The following CSMD1 variants were observed in gnomAD, a reference collection of about 807,000 sequenced individuals.
CSMD1 encodes the protein CUB and Sushi multiple domains 1.
A neutral mutation model predicts 417.5 loss-of-function variants in CSMD1; 213 were observed. That is an observed-to-expected ratio of 0.51 (90% CI 0.46 to 0.57). The LOEUF (loss-of-function observed/expected upper bound fraction) is 0.57, where lower values mean the gene tolerates loss of function less well. Ranked by LOEUF, CSMD1 falls within the 20% of genes least tolerant of loss-of-function variation. The probability of loss-of-function intolerance (pLI) is 0.00; values close to 1 mark genes in which losing one functional copy is unlikely to be tolerated. For missense variants in CSMD1, 6,923 were observed against 4,529.7 expected (o/e 1.53, Z -15.17); for synonymous variants, 2,862 against 1,736.8 (o/e 1.65, Z -16.11).
At chr8:3,782,004 AT>A (rs1444446484) in intron 5 of CSMD1, among the ~76,000 whole-genome samples, 3 of 150,468 alleles carry the variant, frequency 2.0e-5, no homozygotes, top group South Asian at 2.2e-4. Context: ...AGACATTTTG[AT>A]TTTTTAAGGG....
intron 5 of CSMD1, among the ~76,000 whole-genome samples, chr8:3,836,851 T>C (rs570430809): frequency 6.6e-6 from 1 of 152,322 alleles, no homozygotes; most frequent in Admixed American, 6.5e-5. Flanking sequence ...AATATTTAAA[T>C]GTTAAGTATT....
intron 5 of CSMD1, among the ~76,000 whole-genome samples, chr8:3,981,039 A>T (rs1397791301): frequency 2.0e-5 from 3 of 152,196 alleles, no homozygotes; most frequent in African/African-American, 7.2e-5. Context: ...AGTAACCATG[A>T]ATTTTCCCAC....
intron 1 of CSMD1, among the ~76,000 whole-genome samples, chr8:4,707,768 T>C (rs1032325285): frequency 6.6e-6 from 1 of 151,400 alleles, no homozygotes; most frequent in Admixed American, 6.6e-5. Flanking sequence ...GCGCCTGTAA[T>C]CCCAGCTACT....
At chr8:4,405,736 G>A (rs1039807285) in intron 3 of CSMD1, among the ~76,000 whole-genome samples, 2 of 152,162 alleles carry the variant, frequency 1.3e-5, no homozygotes, top group Admixed American at 6.5e-5. Flanking sequence ...TTTGAAGTTA[G>A]TGCACCACCA....
intron 5 of CSMD1, among the ~76,000 whole-genome samples, chr8:3,785,854 G>C (rs1229334172): frequency 6.6e-6 from 1 of 152,170 alleles, no homozygotes. Context: ...TTGGGAAGTA[G>C]AGCAATTAAA....
At chr8:3,640,939 A>C (rs1797275677) in intron 7 of CSMD1, among the ~76,000 whole-genome samples, 1 of 152,002 alleles carries the variant, frequency 6.6e-6, no homozygotes, top group African/African-American at 2.4e-5. Flanking sequence ...TGTGAGGGAA[A>C]GCAAAAGGCG....
At chr8:4,434,460 A>T (rs556875327) in intron 2 of CSMD1, among the ~76,000 whole-genome samples, 5 of 152,178 alleles carry the variant, frequency 3.3e-5, no homozygotes, top group Non-Finnish European at 5.9e-5. Context: ...CCATCCTATG[A>T]AGTCCCCACA....
chr8:4,756,931 G>T (rs912387217), intron 1 of CSMD1, among the ~76,000 whole-genome samples: 1 of 152,226 alleles, frequency 6.6e-6, no homozygotes, highest in African/African-American at 2.4e-5. Context: ...TGTGAAAGCT[G>T]AATGTTTTTA....
At chr8:3,953,231 T>C (rs941881820) in intron 5 of CSMD1, among the ~76,000 whole-genome samples, 19 of 152,118 alleles carry the variant, frequency 1.2e-4, no homozygotes, top group Non-Finnish European at 2.4e-4. Context: ...CAAGAAAATA[T>C]ATAACTGATA....
chr8:4,757,753 G>C (rs1240353438), intron 1 of CSMD1, among the ~76,000 whole-genome samples: 2 of 152,094 alleles, frequency 1.3e-5, no homozygotes. Context: ...GAGGCCAGGA[G>C]TTTGAGACAA....
intron 1 of CSMD1, among the ~76,000 whole-genome samples, chr8:4,772,272 TGA>T (rs1796640934): frequency 6.6e-6 from 1 of 152,182 alleles, no homozygotes; most frequent in Non-Finnish European, 1.5e-5. Context: ...TCAGCAACAG[TGA>T]ACCAGTCCTT....
intron 3 of CSMD1, among the ~76,000 whole-genome samples, chr8:4,254,385 C>G (rs1379622150): frequency 6.6e-6 from 1 of 152,154 alleles, no homozygotes; most frequent in African/African-American, 2.4e-5. Flanking sequence ...ATGACGATGT[C>G]TCAGTCAACA....
At chr8:4,731,450 T>C (rs1457109465) in intron 1 of CSMD1, among the ~76,000 whole-genome samples, 1 of 152,228 alleles carries the variant, frequency 6.6e-6, no homozygotes, top group Admixed American at 6.5e-5. Flanking sequence ...TAATTTATGA[T>C]TTCAACTTGA....
rs146663444 is a variant in CSMD1 at position 4,171,840 on chromosome 8, T to C, written c.416-139741A>G. Among the ~76,000 whole-genome samples, 581 of 152,304 alleles carry C rather than the reference T, an allele frequency of 3.8e-3. 3 individuals carry two copies. The highest frequency in any genetic ancestry group is 0.014 in the Middle Eastern group (4 of 294). ...ATCTAAATCCCAGTTTAATAAAAAATGCCCATTATGTGTGATTCTCTCATT... is the reference window on the plus strand; with the variant it reads ...ATCTAAATCCCAGTTTAATAAAAAACGCCCATTATGTGTGATTCTCTCATT... On this transcript the variant is annotated intron_variant, in intron 3 of 69. Transcript: ENST00000635120.
intron 1 of CSMD1, among the ~76,000 whole-genome samples, chr8:4,842,194 G>C (rs1336726785): frequency 6.6e-6 from 1 of 152,172 alleles, no homozygotes; most frequent in Admixed American, 6.5e-5. Context: ...AAGAATTGTA[G>C]CTGTAAACAG....
chr8:4,980,059 T>C (rs1016683333), intron 1 of CSMD1, among the ~76,000 whole-genome samples: 6 of 151,986 alleles, frequency 3.9e-5, no homozygotes, highest in African/African-American at 7.2e-5. Flanking sequence ...AATAAATAAA[T>C]TAAATAGTTA....
rs529271168 is a variant in CSMD1, at chr8:4,401,747, C to T, written c.415+18206G>A. 1.1e-3 allele frequency among the ~76,000 whole-genome samples: 169 copies of T among 152,242 alleles called. 2 individuals carry two copies. The South Asian group carries it at 0.033, about 30-fold the overall frequency. The stretch of plus-strand genomic sequence containing the variant: ...CCCTTAACATTCCACCTGAAGCTGG[C>T]GTCCCCTCTCTTGAACATAGTCCCC... On this transcript the variant is annotated intron_variant, in intron 3 of 69. Coordinates refer to ENST00000635120, the MANE Select transcript of CSMD1 (RefSeq NM_033225.6).
At chr8:3,509,095 T>C (rs555873092) in intron 10 of CSMD1, among the ~76,000 whole-genome samples, 42 of 152,276 alleles carry the variant, frequency 2.8e-4, no homozygotes, top group African/African-American at 8.9e-4. Context: ...GGGGACAAAA[T>C]TAATGCGTGC....
chr8:4,759,796 T>A (rs1339841524), intron 1 of CSMD1, among the ~76,000 whole-genome samples: 1 of 152,250 alleles, frequency 6.6e-6, no homozygotes, highest in Non-Finnish European at 1.5e-5. Context: ...TACCAGTTTC[T>A]TTATCCAGTG....
Sources: gnomAD v4.1 joint callset for allele counts (sites outside exome capture counted in the v4.1 genomes callset) on GRCh38, gnomAD v4.1.1 for gene constraint, MANE v1.5 for transcripts, NCBI Gene and HGNC (gene_info 2026-07-23, HGNC 2026-07-21) for gene names.